Variants in UNC5D observed in about 807,000 individuals in gnomAD.
UNC5D encodes unc-5 netrin receptor D, also known as netrin receptor UNC5D.
In UNC5D, 39 loss-of-function variants were observed where a neutral mutation model predicts 105.4. The ratio of observed to expected loss-of-function variants is 0.37; its 90% confidence interval spans 0.29 to 0.48. The LOEUF (loss-of-function observed/expected upper bound fraction) is 0.48, where lower values mean the gene tolerates loss of function less well. UNC5D is among the 20% of genes least tolerant of loss of function. The pLI is 0.98. For synonymous variants in UNC5D, 452 were observed against 450.4 expected (o/e 1.00, Z -0.04); for missense variants, 991 against 1,202.4 (o/e 0.82, Z 2.60).
At chr8:35,540,439 A>T (rs1414128008) in intron 1 of UNC5D, among the ~76,000 whole-genome samples, 1 of 136,350 alleles carries the variant, frequency 7.3e-6, no homozygotes, top group African/African-American at 3.3e-5. Context: ...TTCACAAAGC[A>T]GAGGGGTGTG....
At chr8:35,355,545 T>C (rs1259399306) in intron 1 of UNC5D, among the ~76,000 whole-genome samples, 3 of 152,248 alleles carry the variant, frequency 2.0e-5, no homozygotes, top group Non-Finnish European at 2.9e-5. Context: ...TTGGTGCATG[T>C]CAAGCAGAGT....
intron 1 of UNC5D, among the ~76,000 whole-genome samples, chr8:35,535,932 C>T (rs1041816706): frequency 1.3e-5 from 2 of 152,136 alleles, no homozygotes; most frequent in Admixed American, 1.3e-4. Flanking sequence ...CTCTTTCTAC[C>T]TGGAAGAATA....
chr8:35,291,917 G>T (rs1807094275), intron 1 of UNC5D, among the ~76,000 whole-genome samples: 1 of 152,150 alleles, frequency 6.6e-6, no homozygotes, highest in Non-Finnish European at 1.5e-5. Flanking sequence ...TGGAATGATT[G>T]CTGTTAGTTA....
At chr8:35,559,819 G>A (rs1301824548) in intron 2 of UNC5D, among the ~76,000 whole-genome samples, 1 of 152,020 alleles carries the variant, frequency 6.6e-6, no homozygotes, top group Non-Finnish European at 1.5e-5. Flanking sequence ...CTAACTTTTA[G>A]TCTCCCAACA....
rs571274763 is a variant in UNC5D at position 35,631,120 on chromosome 8, C to T, written c.570+35463C>T. 4.0e-4 allele frequency among the ~76,000 whole-genome samples: 61 copies of T among 152,286 alleles called. 1 individual carries two copies. The highest frequency in any genetic ancestry group is 2.2e-3 in the Admixed American group (34 of 15,302). On this transcript the variant is annotated intron_variant, in intron 4 of 16. Transcript: ENST00000404895. ...CTGAGCTCAGGAGTTCGAGACGAGC[C>T]TGGGCAACACGGTGAAACCCCATCT...
chr8:35,533,212 C>G (rs1289019373), intron 1 of UNC5D, among the ~76,000 whole-genome samples: 2 of 152,208 alleles, frequency 1.3e-5, no homozygotes, highest in Non-Finnish European at 2.9e-5. Context: ...TGGTAATGTA[C>G]AAATGGGTTT....
At chr8:35,576,356 G>T (rs867173991) in intron 3 of UNC5D, among the ~76,000 whole-genome samples, 4 of 152,176 alleles carry the variant, frequency 2.6e-5, no homozygotes, top group South Asian at 2.1e-4. Flanking sequence ...ACTGTCTGAT[G>T]TTGAATTGGG....
intron 4 of UNC5D, among the ~76,000 whole-genome samples, chr8:35,658,634 T>A (rs1382139462): frequency 6.7e-6 from 1 of 148,824 alleles, no homozygotes; most frequent in African/African-American, 2.5e-5. Context: ...AGGGAGGAAT[T>A]CATGAGTGAC....
chr8:35,297,444 T>C (rs1807577403), intron 1 of UNC5D, among the ~76,000 whole-genome samples: 1 of 152,116 alleles, frequency 6.6e-6, no homozygotes. Context: ...TTTCCCATGA[T>C]TTGAGTAGCA....
Position 35,792,982 on chromosome 8 carries a change from T to C in UNC5D, c.*2419T>C. On this transcript the variant is annotated 3_prime_UTR_variant, in exon 17 of 17. Transcript: ENST00000404895. Reference sequence around the variant, plus strand: ...ACCTCCCATGGATTTTTTTTTCCTTTGGCCTGGGTTTTATAAACAACTTGA... The same window carrying C: ...ACCTCCCATGGATTTTTTTTTCCTTCGGCCTGGGTTTTATAAACAACTTGA... 2.2e-6 allele frequency: 1 copy of C among 453,590 alleles called. No individual in the cohort carries two copies. Among genetic ancestry groups the C allele is most frequent in the South Asian group, 1.6e-5 (1 of 63,514 alleles). 28.1% of individuals were successfully genotyped at this position (453,590 alleles called of 1,614,324 possible).
chr8:35,681,313 T>C (rs1825647913), intron 4 of UNC5D, among the ~76,000 whole-genome samples: 2 of 152,222 alleles, frequency 1.3e-5, no homozygotes, highest in East Asian at 1.9e-4. Flanking sequence ...TCAACTCTTA[T>C]ATTTTGGTGA....
chr8:35,510,310 C>CAAAAA (rs11317897), intron 1 of UNC5D, among the ~76,000 whole-genome samples: 3 of 71,856 alleles, frequency 4.2e-5, no homozygotes, highest in African/African-American at 8.9e-5. Flanking sequence ...TTTTTATATC[C>CAAAAA]AAAAAAAAAA....
At chr8:35,372,183 G>T (rs1802461863) in intron 1 of UNC5D, among the ~76,000 whole-genome samples, 1 of 152,166 alleles carries the variant, frequency 6.6e-6, no homozygotes. Flanking sequence ...GAGTGGAGTG[G>T]TGTGATCTTG....
intron 1 of UNC5D, among the ~76,000 whole-genome samples, chr8:35,421,030 A>G (rs1028621157): frequency 6.6e-6 from 1 of 152,104 alleles, no homozygotes; most frequent in Non-Finnish European, 1.5e-5. Context: ...TCCCTTTTTC[A>G]TAGCTTCTAT....
At chr8:35,366,955 G>A (rs1585679835) in intron 1 of UNC5D, among the ~76,000 whole-genome samples, 1 of 152,140 alleles carries the variant, frequency 6.6e-6, no homozygotes, top group African/African-American at 2.4e-5. Context: ...ACTCCAAGTG[G>A]GATACGATTA....
chr8:35,685,411 A>G (rs1825941874), intron 6 of UNC5D, among the ~76,000 whole-genome samples: 1 of 152,192 alleles, frequency 6.6e-6, no homozygotes, highest in East Asian at 1.9e-4. Context: ...TTCTTCATGA[A>G]ATGCATATCC....
rs139881405 is a variant in UNC5D, at chr8:35,789,848, A to G, written c.2658-511A>G. On this transcript the variant is annotated intron_variant, in intron 16 of 16. Coordinates refer to ENST00000404895, the MANE Select transcript of UNC5D (RefSeq NM_080872.4). The stretch of plus-strand genomic sequence containing the variant: ...AAAAATAGGAATGAGTGAAAGTATG[A>G]CATAAACTAATGAAATAGAGCATGT... Among the ~76,000 whole-genome samples the G allele has an allele frequency of 3.4e-3, 519 of 152,112 alleles. 3 individuals are homozygous for G. Among genetic ancestry groups the G allele is most frequent in the African/African-American group, 0.012 (482 of 41,472 alleles).
At chr8:35,280,558 GT>G (rs1563275794) in intron 1 of UNC5D, among the ~76,000 whole-genome samples, 1 of 152,126 alleles carries the variant, frequency 6.6e-6, no homozygotes, top group African/African-American at 2.4e-5. Flanking sequence ...TGGTGGGGTC[GT>G]TAATAATGAA....
Position 35,492,963 on chromosome 8 carries a change from G to A in UNC5D, c.104-56329G>A, listed in dbSNP as rs189247631. Among the ~76,000 whole-genome samples the A allele has an allele frequency of 1.3e-3, 192 of 152,168 alleles. No homozygotes were observed. In the Middle Eastern group the frequency reaches 0.024, roughly 19 times the overall value. On this transcript the variant is annotated intron_variant, in intron 1 of 16. Transcript: ENST00000404895. ...GTGGTGAAGGCTTTGTCTCTTCTCT[G>A]TTTAATCTTGGTTATCCCATGAAAT...
Sources: gnomAD v4.1 joint callset for allele counts (sites outside exome capture counted in the v4.1 genomes callset) on GRCh38, gnomAD v4.1.1 for gene constraint, MANE v1.5 for transcripts, NCBI Gene and HGNC (gene_info 2026-07-23, HGNC 2026-07-21) for gene names.